Variants in FRMD6 observed in about 807,000 individuals in gnomAD.
FRMD6 encodes FERM domain-containing protein 6.
Under a neutral mutation model 73.2 loss-of-function variants are expected in FRMD6, and 37 were observed. The observed-to-expected ratio is 0.51, with a 90% CI of 0.39 to 0.66. The LOEUF (loss-of-function observed/expected upper bound fraction) is 0.66, where lower values mean the gene tolerates loss of function less well. FRMD6 is among the 30% of genes least tolerant of loss of function. The pLI, the probability that FRMD6 is intolerant of heterozygous loss-of-function variation, is 0.00. For missense variants in FRMD6, 714 were observed against 780.5 expected, an observed-to-expected ratio of 0.91 and a Z score of 1.02; for synonymous variants, 273 against 282.2, an observed-to-expected ratio of 0.97 and a Z score of 0.33.
chr14:51,604,902 G>T (rs1183834308), intron 2 of FRMD6, among the ~76,000 whole-genome samples: 1 of 152,124 alleles, frequency 6.6e-6, no homozygotes, highest in Non-Finnish European at 1.5e-5. Flanking sequence ...AGTGAGCACT[G>T]CTTACTCTTA....
chr14:51,652,388 T>C (rs1453633034), intron 1 of FRMD6, among the ~76,000 whole-genome samples: 3 of 152,058 alleles, frequency 2.0e-5, no homozygotes, highest in Non-Finnish European at 4.4e-5. Context: ...CCGTGCGCGG[T>C]CCCTGGTTCT....
chr14:51,593,111 C>T (rs1418399463), intron 2 of FRMD6, among the ~76,000 whole-genome samples: 1 of 152,146 alleles, frequency 6.6e-6, no homozygotes, highest in East Asian at 1.9e-4. Context: ...TTTATGGCAT[C>T]CTGATGAGCT....
Position 51,720,114 on chromosome 14 carries a change from C to T in FRMD6, c.1084C>T (p.Leu362=), listed in dbSNP as rs1897456877. 6.2e-7 allele frequency: 1 copy of T among 1,613,680 alleles called. No individual in the cohort carries two copies. Among genetic ancestry groups the T allele is most frequent in the South Asian group, 1.1e-5 (1 of 91,074 alleles). ...SDNLDLDMDQ[L]EKRSRASGSS... Reference sequence around the variant, plus strand: ...CAACCTGGACCTCGACATGGACCAGCTGGAAAAACGGTCGCGGGCCAGCGG... The same window carrying T: ...CAACCTGGACCTCGACATGGACCAGTTGGAAAAACGGTCGCGGGCCAGCGG... Residue 362 remains leucine (L), a synonymous_variant, in exon 11 of 14, where the codon CTG becomes TTG. Transcript: ENST00000344768.
chr14:51,485,217 G>A (rs1035860310), upstream of FRMD6, among the ~76,000 whole-genome samples: 1 of 152,104 alleles, frequency 6.6e-6, no homozygotes, highest in Non-Finnish European at 1.5e-5. Context: ...TGCCTCCACG[G>A]CCTTTGCTCT....
chr14:51,481,149 C>G, the FRMD6 span, among the ~76,000 whole-genome samples: 14 of 152,242 alleles, frequency 9.2e-5, no homozygotes, highest in East Asian at 2.7e-3. Flanking sequence ...AGGTTTCATA[C>G]TTATAGATAC....
the FRMD6 span, among the ~76,000 whole-genome samples, chr14:51,400,956 A>G: frequency 6.6e-6 from 1 of 152,350 alleles, no homozygotes; most frequent in Non-Finnish European, 1.5e-5. Flanking sequence ...TTAAATATCT[A>G]TGCAGATAAT....
chr14:51,527,287 A>C (rs1475934652), intron 1 of FRMD6, among the ~76,000 whole-genome samples: 1 of 152,260 alleles, frequency 6.6e-6, no homozygotes, highest in African/African-American at 2.4e-5. Flanking sequence ...ATCTGAGGCC[A>C]TCACCATGGT....
chr14:51,593,492 G>A (rs1889521285), intron 2 of FRMD6, among the ~76,000 whole-genome samples: 1 of 152,182 alleles, frequency 6.6e-6, no homozygotes, highest in African/African-American at 2.4e-5. Context: ...ACAGAAAAAT[G>A]AATGTCAGCA....
chr14:51,444,483 C>T, the FRMD6 span, among the ~76,000 whole-genome samples: 2 of 152,202 alleles, frequency 1.3e-5, no homozygotes, highest in African/African-American at 4.8e-5. Flanking sequence ...TTTCCCTGGA[C>T]AGTCTGTAAC....
At chr14:51,530,189 T>C (rs142638796) in intron 1 of FRMD6, among the ~76,000 whole-genome samples, 2 of 152,352 alleles carry the variant, frequency 1.3e-5, no homozygotes, top group Non-Finnish European at 2.9e-5. Flanking sequence ...CCTATGTTCT[T>C]GAAGTTACTC....
chr14:51,543,627 T>C (rs1886313728), intron 1 of FRMD6, among the ~76,000 whole-genome samples: 1 of 152,034 alleles, frequency 6.6e-6, no homozygotes, highest in Non-Finnish European at 1.5e-5. Flanking sequence ...GTTTTCACCA[T>C]CTTGCAGGAC....
rs535976985 is a variant in FRMD6, at chr14:51,505,999, C to T, written c.-210+16579C>T. Among the ~76,000 whole-genome samples, 8 of 152,264 alleles carry T rather than the reference C, an allele frequency of 5.3e-5. No individual in the cohort carries two copies. In the South Asian group the frequency reaches 1.7e-3, roughly 32 times the overall value. ...TCTGATCACCATTCTCCTCCAAAAACGCTTCCTGTAACAATCTGCCATAGC... is the reference window on the plus strand; with the variant it reads ...TCTGATCACCATTCTCCTCCAAAAATGCTTCCTGTAACAATCTGCCATAGC... On this transcript the variant is annotated intron_variant, in intron 1 of 14. Coordinates refer to the FRMD6 transcript ENST00000356218.
intron 10 of FRMD6, among the ~76,000 whole-genome samples, chr14:51,716,930 G>A (rs1394273620): frequency 1.3e-5 from 2 of 152,200 alleles, no homozygotes; most frequent in Non-Finnish European, 1.5e-5. Context: ...ATTCCTAAAC[G>A]TCTAACATGG....
chr14:51,485,035 C>T (rs576480474), upstream of FRMD6, among the ~76,000 whole-genome samples: 2 of 152,296 alleles, frequency 1.3e-5, no homozygotes, highest in African/African-American at 4.8e-5. Flanking sequence ...TTATACCCTG[C>T]GAGGTCCTCA....
At chr14:51,422,313 A>T in the FRMD6 span, among the ~76,000 whole-genome samples, 1 of 152,322 alleles carries the variant, frequency 6.6e-6, no homozygotes, top group East Asian at 1.9e-4. Flanking sequence ...AGCACTTATT[A>T]TGTAATGGGC....
intron 1 of FRMD6, among the ~76,000 whole-genome samples, chr14:51,562,397 C>A (rs1320942720): frequency 6.6e-6 from 1 of 152,070 alleles, no homozygotes; most frequent in Non-Finnish European, 1.5e-5. Context: ...ATTGCTCAGG[C>A]CACATGGCAC....
the FRMD6 span, among the ~76,000 whole-genome samples, chr14:51,415,062 G>A: frequency 6.6e-6 from 1 of 152,186 alleles, no homozygotes; most frequent in Non-Finnish European, 1.5e-5. Context: ...CTGAGATGAT[G>A]GGGTTTTCTA....
At chr14:51,511,393 G>A (rs1884302421) in intron 1 of FRMD6, among the ~76,000 whole-genome samples, 1 of 152,162 alleles carries the variant, frequency 6.6e-6, no homozygotes, top group Admixed American at 6.5e-5. Flanking sequence ...AATTATTCAG[G>A]GCAAAGTGAT....
chr14:51,721,178 T>C (rs11157843), intron 11 of FRMD6, among the ~76,000 whole-genome samples: 152,090 of 152,352 alleles, frequency 1, 75,917 homozygotes, highest in Non-Finnish European at 1. Flanking sequence ...CTTGCTTTGG[T>C]ATCAGGCAAA....
Sources: gnomAD v4.1 joint callset for allele counts (sites outside exome capture counted in the v4.1 genomes callset) on GRCh38, gnomAD v4.1.1 for gene constraint, MANE v1.5 for transcripts, NCBI Gene and HGNC (gene_info 2026-07-23, HGNC 2026-07-21) for gene names.